COL5A2: variants seen among roughly 807,000 people sequenced by gnomAD.
The protein encoded by COL5A2 is collagen alpha-2(V) chain.
Under a neutral mutation model 208.2 loss-of-function variants are expected in COL5A2, and 23 were observed. The ratio of observed to expected loss-of-function variants is 0.11; its 90% CI spans 0.08 to 0.16. The LOEUF is 0.16. Ranked by LOEUF, COL5A2 falls within the 10% of genes least tolerant of loss-of-function variation. The pLI, the probability that COL5A2 is intolerant of heterozygous loss-of-function variation, is 1.00. For missense variants in COL5A2, 1,590 were observed against 1,956.4 expected (o/e 0.81, Z 3.53); for synonymous variants, 625 against 628.5 (o/e 0.99, Z 0.08).
chr2:189,147,130 A>G (rs891861540), intron 1 of COL5A2, among the ~76,000 whole-genome samples: 1 of 152,208 alleles, frequency 6.6e-6, no homozygotes, highest in African/African-American at 2.4e-5. Context: ...CTTTTAATGT[A>G]TTCTTTTGAC....
chr2:189,304,909 C>T, the COL5A2 span, among the ~76,000 whole-genome samples: 5,619 of 152,186 alleles, frequency 0.037, 119 homozygotes, highest in Admixed American at 0.05. Context: ...TGATCAAATT[C>T]TATTAATAAT....
At chr2:189,264,139 G>A in the COL5A2 span, among the ~76,000 whole-genome samples, 1,632 of 151,974 alleles carry the variant, frequency 0.011, 24 homozygotes, top group South Asian at 0.037. Flanking sequence ...TAGAAAATAC[G>A]TGTGTAAGAT....
intron 46 of COL5A2, 97 bp downstream of exon 46, chr2:189,045,703 G>C: frequency 1.1e-6 from 1 of 920,044 alleles, no homozygotes; most frequent in Non-Finnish European, 1.8e-6. Context: ...CCTTAACGAA[G>C]TGCACATGTA....
chr2:189,050,342 T>G (rs1417597217), intron 43 of COL5A2, among the ~76,000 whole-genome samples: 10 of 152,214 alleles, frequency 6.6e-5, no homozygotes, highest in Admixed American at 5.2e-4. Context: ...ATATCCTTAT[T>G]TGCCTACTTT....
the COL5A2 span, among the ~76,000 whole-genome samples, chr2:189,335,963 A>T: frequency 6.6e-6 from 1 of 152,188 alleles, no homozygotes; most frequent in East Asian, 1.9e-4. Flanking sequence ...AAATGAATAG[A>T]CAAGACACAG....
the COL5A2 span, among the ~76,000 whole-genome samples, chr2:189,382,823 A>T: frequency 6.6e-6 from 1 of 152,128 alleles, no homozygotes; most frequent in South Asian, 2.1e-4. Flanking sequence ...GACAGGGAGG[A>T]TGTTACAAAG....
upstream of COL5A2, among the ~76,000 whole-genome samples, chr2:189,226,658 G>A (rs1013118717): frequency 1.3e-5 from 2 of 152,018 alleles, no homozygotes; most frequent in African/African-American, 4.8e-5. Flanking sequence ...GATGCTTGGG[G>A]GCCACTGAGA....
chr2:189,072,138 GT>G, intron 17 of COL5A2, 45 bp from the exon 18 acceptor site: 3 of 1,360,410 alleles, frequency 2.2e-6, no homozygotes, highest in Non-Finnish European at 3.1e-6. Context: ...TATTCAATTA[GT>G]ATCTAATTAG....
chr2:189,056,858 A>G, intron 35 of COL5A2, 115 bp downstream of exon 35: 1 of 972,620 alleles, frequency 1.0e-6, no homozygotes, highest in South Asian at 1.3e-5. Flanking sequence ...ATTATTCTCC[A>G]ACTCCTGACT....
intron 24 of COL5A2, 94 bp downstream of exon 24, chr2:189,064,910 G>T (rs2105595349): frequency 8.4e-7 from 1 of 1,190,554 alleles, no homozygotes; most frequent in Non-Finnish European, 1.2e-6. Context: ...CTGGATCTGA[G>T]CCCATGCAGG....
the COL5A2 span, among the ~76,000 whole-genome samples, chr2:189,387,899 C>G: frequency 6.6e-6 from 1 of 152,182 alleles, no homozygotes; most frequent in Non-Finnish European, 1.5e-5. Context: ...AGCCTCCCAA[C>G]TCAGCCTCCC....
the COL5A2 span, among the ~76,000 whole-genome samples, chr2:189,366,756 C>T: frequency 6.6e-6 from 1 of 152,230 alleles, no homozygotes; most frequent in African/African-American, 2.4e-5. Context: ...CTTCCTTTTG[C>T]TGTTGCTGCT....
the COL5A2 span, among the ~76,000 whole-genome samples, chr2:189,321,414 G>C: frequency 6.6e-6 from 1 of 152,146 alleles, no homozygotes; most frequent in African/African-American, 2.4e-5. Flanking sequence ...GCTGTATTCA[G>C]GAAACCCATC....
At chr2:189,053,110 T>C in intron 38 of COL5A2, 92 bp from the exon 39 acceptor site, 1 of 1,055,604 alleles carries the variant, frequency 9.5e-7, no homozygotes, top group Non-Finnish European at 1.4e-6. Flanking sequence ...ATTAATCATA[T>C]ATTGTGAAAC....
chr2:189,196,783 A>C (rs944913384), intron 1 of COL5A2, among the ~76,000 whole-genome samples: 10 of 152,152 alleles, frequency 6.6e-5, no homozygotes, highest in Non-Finnish European at 1.3e-4. Context: ...CAATTATTAA[A>C]AAGTCAAGAA....
the COL5A2 span, among the ~76,000 whole-genome samples, chr2:189,431,233 G>T: frequency 6.6e-6 from 1 of 152,134 alleles, no homozygotes; most frequent in Admixed American, 6.5e-5. Flanking sequence ...AAAAAGATGG[G>T]GAGAAACAAG....
At chr2:189,327,886 A>C in the COL5A2 span, among the ~76,000 whole-genome samples, 104 of 152,320 alleles carry the variant, frequency 6.8e-4, no homozygotes, top group Non-Finnish European at 4.0e-4. Context: ...CTGAATTATC[A>C]CAGCATGAAA....
intron 1 of COL5A2, among the ~76,000 whole-genome samples, chr2:189,137,232 A>G (rs975091774): frequency 1.3e-5 from 2 of 152,210 alleles, no homozygotes; most frequent in East Asian, 3.8e-4. Flanking sequence ...TTTATAGGAA[A>G]TGACAAGAGG....
the COL5A2 span, among the ~76,000 whole-genome samples, chr2:189,258,792 G>A: frequency 6.6e-6 from 1 of 152,126 alleles, no homozygotes; most frequent in South Asian, 2.1e-4. Context: ...GAGCAACATG[G>A]TGGAATGAGA....
Sources: gnomAD v4.1 joint callset for allele counts (sites outside exome capture counted in the v4.1 genomes callset) on GRCh38, gnomAD v4.1.1 for gene constraint, MANE v1.5 for transcripts, NCBI Gene and HGNC (gene_info 2026-07-23, HGNC 2026-07-21) for gene names.